MYO3B: variants seen among roughly 807,000 people sequenced by gnomAD.
MYO3B encodes myosin-IIIb.
In MYO3B, 156 loss-of-function variants were observed where a neutral mutation model predicts 174.6. The observed-to-expected ratio is 0.89, with a 90% CI of 0.78 to 1.02. The LOEUF (loss-of-function observed/expected upper bound fraction) is 1.02. MYO3B is among the 50% of genes least tolerant of loss of function. The probability of loss-of-function intolerance (pLI) is 0.00; values close to 1 mark genes in which losing one functional copy is unlikely to be tolerated. For missense variants in MYO3B, 1,632 were observed against 1,639.4 expected (o/e 1.00, Z 0.08); for synonymous variants, 563 against 569.1 (o/e 0.99, Z 0.15).
chr2:170,442,495 TTC>T lies in MYO3B; in HGVS notation c.2651-1470_2651-1469del, dbSNP rs368101861. On this transcript the variant is annotated intron_variant, in intron 22 of 34. Transcript: ENST00000408978. ...TCTTCTTGTTATTTAGTAGGAGGTG[TTC>T]TTTTTTTTTTTTTTTTTTAATTATA... Among the ~76,000 whole-genome samples, 3 of 90,572 alleles carry T rather than the reference TTC, an allele frequency of 3.3e-5. No homozygotes were observed. The Admixed American group carries it at 3.8e-4, about 12-fold the overall frequency. 59.4% of individuals were successfully genotyped at this position (90,572 alleles called of 152,430 possible).
At chr2:170,630,329 G>T (rs113682737) in intron 32 of MYO3B, among the ~76,000 whole-genome samples, 2 of 152,150 alleles carry the variant, frequency 1.3e-5, no homozygotes, top group East Asian at 1.9e-4. Flanking sequence ...ATTGCAAGGC[G>T]GCAAGCCTGG....
chr2:170,502,792 A>G (rs1433393779), intron 28 of MYO3B, among the ~76,000 whole-genome samples: 4 of 152,188 alleles, frequency 2.6e-5, no homozygotes, highest in African/African-American at 9.7e-5. Flanking sequence ...GCTTGAAGGA[A>G]ACTCTTAAAT....
intron 32 of MYO3B, among the ~76,000 whole-genome samples, chr2:170,629,567 G>A (rs534919393): frequency 2.6e-5 from 4 of 152,190 alleles, no homozygotes; most frequent in South Asian, 2.1e-4. Context: ...GCCACACAAC[G>A]GGCTGGGTGC....
chr2:170,651,305 A>T (rs999382406), intron 32 of MYO3B, among the ~76,000 whole-genome samples: 52 of 152,170 alleles, frequency 3.4e-4, no homozygotes, highest in Admixed American at 3.4e-3. Context: ...TAGTCATGCC[A>T]CTAAGGGCAC....
chr2:170,332,855 C>G (rs1558898863), intron 7 of MYO3B, among the ~76,000 whole-genome samples: 1 of 152,110 alleles, frequency 6.6e-6, no homozygotes, highest in Non-Finnish European at 1.5e-5. Flanking sequence ...ACATTGTTCT[C>G]TATACTAAAG....
At chr2:170,284,954 C>T (rs529967870) in intron 7 of MYO3B, among the ~76,000 whole-genome samples, 2 of 152,302 alleles carry the variant, frequency 1.3e-5, no homozygotes, top group South Asian at 2.1e-4. Flanking sequence ...TAAACTGTCT[C>T]ATACTGTACA....
intron 30 of MYO3B, among the ~76,000 whole-genome samples, chr2:170,534,810 C>T (rs76786947): frequency 0.013 from 1,934 of 152,258 alleles, 35 homozygotes; most frequent in African/African-American, 0.04. Flanking sequence ...TGAATATGTA[C>T]GCATATAGCC....
chr2:170,353,028 C>T (rs1475811582), intron 8 of MYO3B, among the ~76,000 whole-genome samples: 4 of 152,114 alleles, frequency 2.6e-5, no homozygotes, highest in African/African-American at 7.2e-5. Flanking sequence ...ATATGCTTAC[C>T]GTAGGGTCTA....
intron 7 of MYO3B, among the ~76,000 whole-genome samples, chr2:170,271,738 A>G (rs2093426503): frequency 6.6e-6 from 1 of 152,206 alleles, no homozygotes. Flanking sequence ...AAAATTGCTA[A>G]TTGTTATAAT....
intron 9 of MYO3B, among the ~76,000 whole-genome samples, chr2:170,370,630 C>CCT (rs1484907968): frequency 9.2e-5 from 2 of 21,794 alleles, no homozygotes; most frequent in Non-Finnish European, 1.6e-4. Context: ...CACCTACACA[C>CCT]ACACACACAC....
intron 32 of MYO3B, among the ~76,000 whole-genome samples, chr2:170,630,605 T>A (rs182656085): frequency 2.0e-5 from 3 of 152,310 alleles, no homozygotes; most frequent in Non-Finnish European, 4.4e-5. Flanking sequence ...CTCAAGTGGG[T>A]CCCTGACCCC....
chr2:170,281,205 T>A (rs910433769), intron 7 of MYO3B, among the ~76,000 whole-genome samples: 3 of 152,196 alleles, frequency 2.0e-5, no homozygotes, highest in Admixed American at 6.6e-5. Context: ...CCTGGTTAAC[T>A]GTATTCCCAG....
chr2:170,372,091 C>T (rs1356057086), intron 9 of MYO3B, among the ~76,000 whole-genome samples: 2 of 120,176 alleles, frequency 1.7e-5, no homozygotes, highest in Middle Eastern at 6.0e-3. Context: ...TGCATTCCAG[C>T]CTGGGCAACA....
chr2:170,317,713 A>G (rs1030884514), intron 7 of MYO3B, among the ~76,000 whole-genome samples: 2 of 152,194 alleles, frequency 1.3e-5, no homozygotes, highest in African/African-American at 4.8e-5. Context: ...TGTGCTTCCC[A>G]TGAGGCAGCT....
chr2:170,593,372 G>C (rs1487937026), intron 32 of MYO3B, among the ~76,000 whole-genome samples: 1 of 151,680 alleles, frequency 6.6e-6, no homozygotes, highest in African/African-American at 2.4e-5. Context: ...CAAAGTGCTG[G>C]GGTTGCAGGC....
At chr2:170,630,646 T>G (rs1392873184) in intron 32 of MYO3B, among the ~76,000 whole-genome samples, 1 of 152,182 alleles carries the variant, frequency 6.6e-6, no homozygotes, top group East Asian at 1.9e-4. Flanking sequence ...CACCTCCCAG[T>G]AGAGGCCGAC....
intron 11 of MYO3B, 125 bp from the exon 12 acceptor site, chr2:170,383,585 T>C: frequency 1.4e-6 from 1 of 709,012 alleles, no homozygotes. Context: ...CCAGAACCTA[T>C]ACCCTACAGT....
At chr2:170,560,888 G>A (rs1691667201) in intron 32 of MYO3B, among the ~76,000 whole-genome samples, 1 of 152,122 alleles carries the variant, frequency 6.6e-6, no homozygotes, top group South Asian at 2.1e-4. Flanking sequence ...GTACCGACGG[G>A]GGACAGAACA....
intron 30 of MYO3B, among the ~76,000 whole-genome samples, chr2:170,522,725 G>A (rs144237291): frequency 2.6e-5 from 4 of 152,126 alleles, no homozygotes; most frequent in African/African-American, 7.2e-5. Context: ...TTGTTCTACC[G>A]GTGCACCTTC....
Sources: gnomAD v4.1 joint callset for allele counts (sites outside exome capture counted in the v4.1 genomes callset) on GRCh38, gnomAD v4.1.1 for gene constraint, MANE v1.5 for transcripts, NCBI Gene and HGNC (gene_info 2026-07-23, HGNC 2026-07-21) for gene names.